AGMO: variants seen among roughly 807,000 people sequenced by gnomAD.
AGMO encodes the protein glyceryl-ether monooxygenase.
AGMO carries 75 observed loss-of-function variants against 60.2 expected under a neutral mutation model. The ratio of observed to expected loss-of-function variants is 1.25; its 90% CI spans 1.03 to 1.51. AGMO has a LOEUF of 1.51. Among genes scored for constraint, AGMO ranks in the 40% most tolerant of loss-of-function variants. The pLI, the probability that AGMO is intolerant of heterozygous loss-of-function variation, is 0.00. For synonymous variants in AGMO, 261 were observed against 177.1 expected (o/e 1.47, Z -3.76); for missense variants, 763 against 525.5 (o/e 1.45, Z -4.42).
intron 12 of AGMO, among the ~76,000 whole-genome samples, chr7:15,354,859 T>C (rs1782460752): frequency 6.6e-6 from 1 of 151,418 alleles, no homozygotes; most frequent in Non-Finnish European, 1.5e-5. Context: ...AAATATATTA[T>C]ATCCTATAAA....
chr7:15,342,656 C>CGTGT (rs548738311), intron 12 of AGMO, among the ~76,000 whole-genome samples: 7 of 151,148 alleles, frequency 4.6e-5, no homozygotes, highest in Non-Finnish European at 7.4e-5. Context: ...ATTTTGCGCG[C>CGTGT]GTGTGTGTGT....
intron 12 of AGMO, among the ~76,000 whole-genome samples, chr7:15,220,208 CTTTTT>C (rs904364065): frequency 2.7e-5 from 3 of 109,514 alleles, no homozygotes; most frequent in East Asian, 4.7e-4. Context: ...CTGACTGTGC[CTTTTT>C]TTTTTTTTTT....
At chr7:15,269,010 G>C (rs909176909) in intron 12 of AGMO, among the ~76,000 whole-genome samples, 10 of 152,020 alleles carry the variant, frequency 6.6e-5, no homozygotes, top group African/African-American at 2.4e-4. Flanking sequence ...GTTTAGCTTA[G>C]GATTGAGCAA....
chr7:15,465,070 T>A (rs1782243860), intron 3 of AGMO, among the ~76,000 whole-genome samples: 1 of 152,010 alleles, frequency 6.6e-6, no homozygotes, highest in Non-Finnish European at 1.5e-5. Context: ...ACTGGAGAAA[T>A]TTATTGTAGT....
chr7:15,357,558 T>C (rs1180047349), intron 12 of AGMO, among the ~76,000 whole-genome samples: 1 of 152,216 alleles, frequency 6.6e-6, no homozygotes, highest in East Asian at 1.9e-4. Flanking sequence ...ATAATTTGTT[T>C]GACCAATGGA....
the AGMO span, among the ~76,000 whole-genome samples, chr7:15,133,636 G>T: frequency 1.3e-5 from 2 of 152,156 alleles, no homozygotes; most frequent in African/African-American, 2.4e-5. Context: ...GTATAAAAGT[G>T]GACTTAAACA....
At chr7:15,200,314 C>T (rs996458623), downstream of AGMO, 3 of 152,142 alleles carry the variant, frequency 2.0e-5, no homozygotes, top group African/African-American at 7.2e-5. Flanking sequence ...AATGTACACA[C>T]AACACCTTGG....
At chr7:15,443,702 C>T (rs1781625757) in intron 3 of AGMO, among the ~76,000 whole-genome samples, 1 of 152,154 alleles carries the variant, frequency 6.6e-6, no homozygotes, top group African/African-American at 2.4e-5. Flanking sequence ...TGCCTACCAC[C>T]TGATTTGTAC....
the AGMO span, among the ~76,000 whole-genome samples, chr7:15,123,651 C>T: frequency 1.3e-5 from 2 of 151,982 alleles, no homozygotes; most frequent in South Asian, 2.1e-4. Flanking sequence ...TCTCTTCTCT[C>T]TCCTAGTTAG....
intron 3 of AGMO, among the ~76,000 whole-genome samples, chr7:15,436,778 G>C (rs1260515790): frequency 6.6e-6 from 1 of 152,050 alleles, no homozygotes; most frequent in Non-Finnish European, 1.5e-5. Flanking sequence ...TTCAGAAATG[G>C]AGGTGACTGG....
At chr7:15,300,726 A>G (rs942239307) in intron 12 of AGMO, among the ~76,000 whole-genome samples, 6 of 152,228 alleles carry the variant, frequency 3.9e-5, no homozygotes, top group Non-Finnish European at 8.8e-5. Context: ...GAGAAAGAGT[A>G]AAACTCCTGG....
intron 10 of AGMO, among the ~76,000 whole-genome samples, chr7:15,369,856 A>G (rs566454152): frequency 6.6e-6 from 1 of 152,266 alleles, no homozygotes; most frequent in African/African-American, 2.4e-5. Context: ...ATTAAATGTT[A>G]TTACATTGCT....
the AGMO span, among the ~76,000 whole-genome samples, chr7:15,169,401 T>C: frequency 6.6e-6 from 1 of 152,128 alleles, no homozygotes; most frequent in Admixed American, 6.5e-5. Context: ...GAATCATAGG[T>C]AGTTTGTGGG....
intron 12 of AGMO, among the ~76,000 whole-genome samples, chr7:15,202,481 A>AAAAAAAAAAAAAAAAC (rs1346025696): frequency 7.6e-6 from 1 of 132,104 alleles, no homozygotes; most frequent in African/African-American, 3.1e-5. Flanking sequence ...AAAAAAAAAA[A>AAAAAAAAAAAAAAAAC]AAAAAAAACC....
At chr7:15,278,392 A>G (rs1783859103) in intron 12 of AGMO, among the ~76,000 whole-genome samples, 1 of 152,074 alleles carries the variant, frequency 6.6e-6, no homozygotes, top group Admixed American at 6.5e-5. Flanking sequence ...GCTCCCAAAC[A>G]TCTAGATGGC....
At chr7:15,235,328 T>C (rs1211781460) in intron 12 of AGMO, among the ~76,000 whole-genome samples, 1 of 152,116 alleles carries the variant, frequency 6.6e-6, no homozygotes, top group African/African-American at 2.4e-5. Context: ...CCCTAGAATT[T>C]TGCAAAATTT....
At chr7:15,183,387 T>G in the AGMO span, among the ~76,000 whole-genome samples, 4 of 152,190 alleles carry the variant, frequency 2.6e-5, no homozygotes, top group East Asian at 7.7e-4. Flanking sequence ...ATTCATGTTC[T>G]TATTACCTAT....
At chr7:15,376,000 A>T (rs576887985) in intron 10 of AGMO, among the ~76,000 whole-genome samples, 2 of 152,232 alleles carry the variant, frequency 1.3e-5, no homozygotes, top group Admixed American at 1.3e-4. Context: ...CCAGTTTATC[A>T]ATGTATTTAA....
At position 15,234,869 on chromosome 7, in the gene AGMO, T is replaced by G. The variant is rs537638540; in HGVS notation, c.1264-33510A>C. 5.3e-5 allele frequency among the ~76,000 whole-genome samples: 8 copies of G among 152,320 alleles called. No homozygotes were observed. In the South Asian group the frequency reaches 1.4e-3, roughly 28 times the overall value. ...ATGTAAAAAGTGTTCTTGGCTTGTG[T>G]GCAGTACAAAAACAAAAGACATGCT... On this transcript the variant is annotated intron_variant, in intron 12 of 12. Transcript: ENST00000342526.
Sources: gnomAD v4.1 joint callset for allele counts (sites outside exome capture counted in the v4.1 genomes callset) on GRCh38, gnomAD v4.1.1 for gene constraint, MANE v1.5 for transcripts, NCBI Gene and HGNC (gene_info 2026-07-23, HGNC 2026-07-21) for gene names.